Variants in OR6Y1 observed in about 807,000 individuals in gnomAD.
OR6Y1 encodes the protein olfactory receptor family 6 subfamily Y member 1, also known as olfactory receptor 6Y1.
A neutral mutation model predicts 0.4 loss-of-function variants in OR6Y1; 1 was observed. The ratio of observed to expected loss-of-function variants is 2.74; its 90% confidence interval spans 0.97 to 13.02. The LOEUF (loss-of-function observed/expected upper bound fraction) is 13.02, where lower values mean the gene tolerates loss of function less well. OR6Y1 is among the 30% of genes most tolerant of loss of function. The pLI, the probability that OR6Y1 is intolerant of heterozygous loss-of-function variation, is 0.12. For synonymous variants in OR6Y1, 173 were observed against 141.1 expected (o/e 1.23, Z -1.60); for missense variants, 480 against 399.8 (o/e 1.20, Z -1.71).
rs1188005100 is a variant in OR6Y1, at chr1:158,544,608, G to C, written c.*2520C>G. 6.6e-6 allele frequency: 1 copy of C among 151,910 alleles called. No individual in the cohort carries two copies. Among genetic ancestry groups the C allele is most frequent in the Non-Finnish European group, 1.5e-5 (1 of 67,984 alleles). The allele number at this position is 151,910 out of a possible 1,614,324, so 9.4% of individuals were successfully genotyped here. A position where few individuals can be genotyped will look rare whatever the true frequency, so the allele number is the denominator to read the frequency against. ...TATATAGGTAATCTTGTATTATGGG[G>C]GTTTGTTGTACAGATTATTTTGTCA... On this transcript the variant is annotated 3_prime_UTR_variant, in exon 2 of 2. Coordinates refer to ENST00000641622, the MANE Select transcript of OR6Y1 (RefSeq NM_001005189.2).
intron 1 of OR6Y1, 79 bp downstream of exon 1, chr1:158,554,187 T>C (rs1466217190): frequency 6.6e-6 from 1 of 152,236 alleles, no homozygotes; most frequent in Non-Finnish European, 1.5e-5. Flanking sequence ...TATTCCCTAC[T>C]TTCCTTCATA....
Position 158,547,243 on chromosome 1 carries a change from G to A in OR6Y1, c.863C>T (p.Pro288Leu), listed in dbSNP as rs1647566005. 6.2e-7 allele frequency: 1 copy of A among 1,613,642 alleles called. No individual in the cohort carries two copies. The change falls in exon 2 of 2, where the codon CCA becomes CTA. Residue 288 changes from proline (P) to leucine (L), a missense_variant. Transcript: ENST00000641622. The stretch of plus-strand genomic sequence containing the variant: ...ACAGTAAATGATGGGGTTGAGGAGT[G>A]GAACAATGACAGTGTAGAGAACAGA... ...VVSVLYTVIV[P>L]LLNPIIYCLR...
rs746033172 is a variant in OR6Y1 at position 158,547,582 on chromosome 1, C to A, written c.524G>T (p.Gly175Val). 1.4e-5 allele frequency: 22 copies of A among 1,613,028 alleles called. No individual in the cohort carries two copies. The highest frequency in any genetic ancestry group is 1.9e-5 in the Non-Finnish European group (22 of 1,179,884). ...MVFIAQLHYC[G>V]MPQINHYFCD... ...AAAGTAGTGATTGATCTGAGGCATG[C>A]CACAGTAGTGAAGTTGTGCTATAAA... The change falls in exon 2 of 2, where the codon GGC (glycine) becomes GTC (valine). Residue 175 changes from glycine to valine, a missense_variant. By Grantham distance (109) the Gly-to-Val change is moderately radical. Coordinates refer to ENST00000641622, the MANE Select transcript of OR6Y1 (RefSeq NM_001005189.2).
chr1:158,551,999 G>T (rs1242546500), intron 1 of OR6Y1, among the ~76,000 whole-genome samples: 1 of 152,022 alleles, frequency 6.6e-6, no homozygotes, highest in African/African-American at 2.4e-5. Context: ...TGATTTGGGA[G>T]ATGGAACACT....
chr1:158,547,507 G>A lies in OR6Y1; in HGVS notation c.599C>T (p.Ala200Val), dbSNP rs374321043. The change falls in exon 2 of 2, where the codon GCT (alanine) becomes GTT (valine). Residue 200 changes from alanine (A) to valine (V), a missense_variant. Transcript: ENST00000641622. ...GGCCAAGAAGAAGTCCACCATCTCA[G>A]CCTGTGAGGCATCCTCACAGGAGAC... ...LNVSCEDASQAEMVDFFLALM... is the reference protein window; with the variant it reads ...LNVSCEDASQVEMVDFFLALM... 75 of 1,613,370 alleles carry A rather than the reference G, an allele frequency of 4.6e-5. No individual in the cohort carries two copies. Among genetic ancestry groups the A allele is most frequent in the Non-Finnish European group, 6.1e-5 (72 of 1,179,988 alleles).
At position 158,547,655 on chromosome 1, in the gene OR6Y1, C is replaced by T. The variant is rs1412552358; in HGVS notation, c.451G>A (p.Gly151Arg). 6.2e-7 allele frequency: 1 copy of T among 1,613,502 alleles called. No homozygotes were observed. Among genetic ancestry groups the T allele is most frequent in the East Asian group, 2.2e-5 (1 of 44,852 alleles). Residue 151 changes from glycine to arginine, a missense_variant, in exon 2 of 2, where the codon GGA becomes AGA. By Grantham distance (125) the Gly-to-Arg change is moderately radical. Coordinates refer to ENST00000641622, the MANE Select transcript of OR6Y1 (RefSeq NM_001005189.2). ...MTNQLCGTLA[G>R]GCWFCGLMTA... ...ATGAGTCCACAGAACCAGCATCCTC[C>T]AGCCAGTGTGCCACAGAGCTGGTTG...
intron 1 of OR6Y1, among the ~76,000 whole-genome samples, 195 bp downstream of exon 1, chr1:158,554,068 CTTG>C (rs1647772124): frequency 6.6e-6 from 1 of 152,192 alleles, no homozygotes; most frequent in Non-Finnish European, 1.5e-5. Context: ...CCATCTATAA[CTTG>C]TTGTATCACT....
chr1:158,549,037 C>T lies in OR6Y1; in HGVS notation c.-932G>A, dbSNP rs941213180. 1 of 151,614 alleles carries T rather than the reference C, an allele frequency of 6.6e-6. No individual in the cohort carries two copies. The highest frequency in any genetic ancestry group is 1.5e-5 in the Non-Finnish European group (1 of 68,028). The allele number at this position is 151,614 out of a possible 1,614,324, so 9.4% of individuals were successfully genotyped here. A position where few individuals can be genotyped will look rare whatever the true frequency, so the allele number is the denominator to read the frequency against. ...CACCCCACACAAAGTTTCCCCCACC[C>T]CAACTTCAACCCCTGCCAAAAACAG... On this transcript the variant is annotated 5_prime_UTR_variant, in exon 2 of 2. Transcript: ENST00000641622.
Position 158,545,456 on chromosome 1 carries a change from A to G in OR6Y1, c.*1672T>C, listed in dbSNP as rs1647493783. ...ACAAACCTGCACGTTGTGCACATGT[A>G]CCCTAAAACTTAAAGTATAATAATA... On this transcript the variant is annotated 3_prime_UTR_variant, in exon 2 of 2. Transcript: ENST00000641622. 1 of 150,748 alleles carries G rather than the reference A, an allele frequency of 6.6e-6. No homozygotes were observed. Among genetic ancestry groups the G allele is most frequent in the Non-Finnish European group, 1.5e-5 (1 of 67,840 alleles). 9.3% of individuals were successfully genotyped at this position (150,748 alleles called of 1,614,324 possible). A position where few individuals can be genotyped will look rare whatever the true frequency, so the allele number is the denominator to read the frequency against.
At chr1:158,551,728 G>T (rs1647709208) in intron 1 of OR6Y1, among the ~76,000 whole-genome samples, 1 of 141,998 alleles carries the variant, frequency 7.0e-6, no homozygotes, top group South Asian at 2.2e-4. Flanking sequence ...ACAATTGCTT[G>T]TCCATTGTAG....
At position 158,547,987 on chromosome 1, in the gene OR6Y1, T is replaced by C. The variant is rs891022621; in HGVS notation, c.119A>G (p.Tyr40Cys). 1.9e-6 allele frequency: 3 copies of C among 1,613,466 alleles called. No homozygotes were observed. Among genetic ancestry groups the C allele is most frequent in the Non-Finnish European group, 2.5e-6 (3 of 1,179,964 alleles). Residue 40 changes from tyrosine (Y) to cysteine (C), a missense_variant, in exon 2 of 2, where the codon TAT becomes TGT. Physicochemically the swap from Tyr to Cys is radical, Grantham distance 194 (BLOSUM62 -2). Coordinates refer to ENST00000641622, the MANE Select transcript of OR6Y1 (RefSeq NM_001005189.2). ...LLFFSIFLAT[Y>C]LLTLLENLLI... ...AAGATTCTCCAGCAGTGTCAGCAGA[T>C]AGGTTGCCAGGAAAATGGAGAAAAA...
chr1:158,552,014 C>G (rs1476267595), intron 1 of OR6Y1, among the ~76,000 whole-genome samples: 2 of 152,040 alleles, frequency 1.3e-5, no homozygotes, highest in African/African-American at 4.8e-5. Flanking sequence ...AACACTTTCT[C>G]TTCTGAAACC....
At chr1:158,551,976 T>C (rs937086637) in intron 1 of OR6Y1, among the ~76,000 whole-genome samples, 1 of 152,124 alleles carries the variant, frequency 6.6e-6, no homozygotes, top group Admixed American at 6.5e-5. Flanking sequence ...ATACTTTAAA[T>C]AAGAGAAACT....
At chr1:158,551,368 TCA>T (rs1571331790) in intron 1 of OR6Y1, among the ~76,000 whole-genome samples, 1 of 151,760 alleles carries the variant, frequency 6.6e-6, no homozygotes, top group Non-Finnish European at 1.5e-5. Flanking sequence ...CATTTTAAAA[TCA>T]GCGGTATTTT....
rs936931048 is a variant in OR6Y1 at position 158,548,363 on chromosome 1, A to T, written c.-258T>A. 2.6e-6 allele frequency: 1 copy of T among 382,896 alleles called. No individual in the cohort carries two copies. Among genetic ancestry groups the T allele is most frequent in the African/African-American group, 2.1e-5 (1 of 47,806 alleles). The allele number at this position is 382,896 out of a possible 1,614,324, so 23.7% of individuals were successfully genotyped here. On this transcript the variant is annotated 5_prime_UTR_variant, in exon 2 of 2. Coordinates refer to ENST00000641622, the MANE Select transcript of OR6Y1 (RefSeq NM_001005189.2). ...TCCAAGGTCATACAAAATAGAGTTT[A>T]TAACTTTCTAAATCCCAGTTCTGTG...
Position 158,545,943 on chromosome 1 carries a change from GT to G in OR6Y1, c.*1184del, listed in dbSNP as rs1436208219. On this transcript the variant is annotated 3_prime_UTR_variant, in exon 2 of 2. Transcript: ENST00000641622. Reference sequence around the variant, plus strand: ...TTTGATCTTAGGAATCACAAATAAAGTACTTGGGAGGGCCATACTCTCTCTC... The same window carrying G: ...TTTGATCTTAGGAATCACAAATAAAGACTTGGGAGGGCCATACTCTCTCTC... The G allele has an allele frequency of 6.6e-6, 1 of 152,140 alleles. No homozygotes were observed. Among genetic ancestry groups the G allele is most frequent in the African/African-American group, 2.4e-5 (1 of 41,424 alleles). The allele number at this position is 152,140 out of a possible 1,614,324, so 9.4% of individuals were successfully genotyped here. A position where few individuals can be genotyped will look rare whatever the true frequency, so the allele number is the denominator to read the frequency against.
In OR6Y1 at chr1:158,554,351, G is replaced by A. The variant is rs1453417741; in HGVS notation, c.-1518C>T. The stretch of plus-strand genomic sequence containing the variant: ...CTGAGAAAAGAGAAGAAATCATGTA[G>A]ACCAAGAGAAGAACAATGTACATAA... On this transcript the variant is annotated 5_prime_UTR_variant, in exon 1 of 2. Coordinates refer to ENST00000641622, the MANE Select transcript of OR6Y1 (RefSeq NM_001005189.2). 6.6e-6 allele frequency: 1 copy of A among 152,202 alleles called. No individual in the cohort carries two copies. Among genetic ancestry groups the A allele is most frequent in the Non-Finnish European group, 1.5e-5 (1 of 68,042 alleles). The allele number at this position is 152,202 out of a possible 1,614,324, so 9.4% of individuals were successfully genotyped here. A position where few individuals can be genotyped will look rare whatever the true frequency, so the allele number is the denominator to read the frequency against.
In OR6Y1 at chr1:158,547,953, G is replaced by A. The variant is rs779483179; in HGVS notation, c.153C>T (p.Ile51=). 4 of 1,613,554 alleles carry A rather than the reference G, an allele frequency of 2.5e-6. No individual in the cohort carries two copies. In the South Asian group the frequency reaches 3.3e-5, roughly 13 times the overall value. ...GCTGCCCATCACTGTGGATAGCTAA[G>A]ATGATAAGAAGATTCTCCAGCAGTG... ...LLTLLENLLI[I]LAIHSDGQLH... Residue 51 remains isoleucine (I), a synonymous_variant, in exon 2 of 2, where the codon ATC becomes ATT. Transcript: ENST00000641622.
At position 158,546,977 on chromosome 1, in the gene OR6Y1, T is replaced by C. The variant is rs891764341; in HGVS notation, c.*151A>G. Reference sequence around the variant, plus strand: ...TGAGAACATGTTTCTCCAGTCATGATTGTGTATACACACACACACACATGC... The same window carrying C: ...TGAGAACATGTTTCTCCAGTCATGACTGTGTATACACACACACACACATGC... On this transcript the variant is annotated 3_prime_UTR_variant, in exon 2 of 2. Transcript: ENST00000641622. 2.9e-6 allele frequency: 2 copies of C among 678,148 alleles called. No homozygotes were observed. The highest frequency in any genetic ancestry group is 2.2e-5 in the South Asian group (1 of 46,100). 42.0% of individuals were successfully genotyped at this position (678,148 alleles called of 1,614,324 possible).
Sources: gnomAD v4.1 joint callset for allele counts (sites outside exome capture counted in the v4.1 genomes callset) on GRCh38, gnomAD v4.1.1 for gene constraint, MANE v1.5 for transcripts, NCBI Gene and HGNC (gene_info 2026-07-23, HGNC 2026-07-21) for gene names.